The following KDM4C variants were observed in gnomAD, a reference collection of about 807,000 sequenced individuals.
The protein encoded by KDM4C is lysine-specific demethylase 4C.
Under a neutral mutation model 129.3 loss-of-function variants are expected in KDM4C, and 81 were observed. The observed-to-expected ratio is 0.63, with a 90% CI of 0.52 to 0.75. The LOEUF (loss-of-function observed/expected upper bound fraction) is 0.75. KDM4C is among the 30% of genes least tolerant of loss of function. The probability of loss-of-function intolerance (pLI) is 0.00; values close to 1 mark genes in which losing one functional copy is unlikely to be tolerated. For synonymous variants in KDM4C, 573 were observed against 456.1 expected, an observed-to-expected ratio of 1.26 and a Z score of -3.26; for missense variants, 1,457 against 1,304.0, an observed-to-expected ratio of 1.12 and a Z score of -1.81.
chr9:7,146,635 A>T (rs1842238662), intron 19 of KDM4C, among the ~76,000 whole-genome samples: 2 of 152,188 alleles, frequency 1.3e-5, no homozygotes, highest in South Asian at 4.1e-4. Context: ...AAAAAACTAT[A>T]TCTGTTTAAC....
intron 8 of KDM4C, among the ~76,000 whole-genome samples, chr9:6,955,898 A>G (rs991074043): frequency 1.3e-5 from 2 of 152,240 alleles, no homozygotes; most frequent in Non-Finnish European, 2.9e-5. Flanking sequence ...TGCTAGTAAA[A>G]GAGCACAATA....
intron 5 of KDM4C, among the ~76,000 whole-genome samples, chr9:6,862,950 C>A (rs995983182): frequency 1.5e-4 from 23 of 152,092 alleles, no homozygotes; most frequent in African/African-American, 5.1e-4. Flanking sequence ...CCCTTTAAGC[C>A]ACTTTATCTT....
chr9:7,026,895 A>G (rs192856836), intron 15 of KDM4C, among the ~76,000 whole-genome samples: 7 of 152,070 alleles, frequency 4.6e-5, no homozygotes, highest in African/African-American at 1.7e-4. Context: ...GCATTCTTCA[A>G]TGTCAGTAGC....
In KDM4C at chr9:7,174,803, G is replaced by A; in HGVS notation, c.*74G>A. 3 of 1,352,382 alleles carry A rather than the reference G, an allele frequency of 2.2e-6. No individual in the cohort carries two copies. The highest frequency in any genetic ancestry group is 1.4e-5 in the African/African-American group (1 of 69,514). 83.8% of individuals were successfully genotyped at this position (1,352,382 alleles called of 1,614,324 possible). On this transcript the variant is annotated 3_prime_UTR_variant, in exon 22 of 22. Transcript: ENST00000381309. ...AAGATGAAGGGACATCCTTGGGGCT[G>A]TGCCGTGAGTTTTGCTGGCATAGGT...
chr9:6,721,302 G>GTC lies in KDM4C; in HGVS notation c.49+322_49+323dup, dbSNP rs375568931. ...TTTTTTTTTTTTTTTTTGAGACAGA[G>GTC]TCTCTCTCTCTCTCTCTCCCACCCA... On this transcript the variant is annotated intron_variant, in intron 1 of 17. Transcript: ENST00000536108. The GTC allele has an allele frequency of 3.1e-3, 351 of 114,490 alleles. 7 individuals are homozygous for GTC. In the Admixed American group the frequency reaches 0.034, roughly 11 times the overall value. The allele number at this position is 114,490 out of a possible 1,614,324, so 7.1% of individuals were successfully genotyped here.
At chr9:6,834,664 C>T (rs1036349332) in intron 4 of KDM4C, 2 of 804,792 alleles carry the variant, frequency 2.5e-6, no homozygotes, top group Admixed American at 3.4e-5. Flanking sequence ...TGAAGTGCCT[C>T]ATCGAGCATG....
intron 1 of KDM4C, among the ~76,000 whole-genome samples, chr9:6,733,028 G>T (rs1213026211): frequency 6.6e-6 from 1 of 152,136 alleles, no homozygotes; most frequent in African/African-American, 2.4e-5. Flanking sequence ...ATAAAAAAAA[G>T]AAAGTACCAC....
At chr9:7,088,394 A>G (rs1835397575) in intron 17 of KDM4C, among the ~76,000 whole-genome samples, 1 of 152,216 alleles carries the variant, frequency 6.6e-6, no homozygotes, top group Non-Finnish European at 1.5e-5. Flanking sequence ...TTAAGAAATT[A>G]CAGTTCTTTA....
intron 19 of KDM4C, among the ~76,000 whole-genome samples, chr9:7,140,769 G>GA (rs1351680224): frequency 1.3e-5 from 2 of 152,194 alleles, no homozygotes; most frequent in Non-Finnish European, 2.9e-5. Flanking sequence ...TGATCTCATG[G>GA]AGTTTACAAT....
At chr9:6,899,614 G>A (rs1817055245) in intron 8 of KDM4C, among the ~76,000 whole-genome samples, 1 of 151,906 alleles carries the variant, frequency 6.6e-6, no homozygotes, top group East Asian at 1.9e-4. Context: ...TGGAGAGAGT[G>A]TTCACACATC....
Position 6,758,158 on chromosome 9 carries a change from C to T in KDM4C, c.-63C>T, listed in dbSNP as rs1588081029. 5.1e-6 allele frequency: 5 copies of T among 985,918 alleles called. No homozygotes were observed. The highest frequency in any genetic ancestry group is 6.0e-6 in the Non-Finnish European group (5 of 830,336). 61.1% of individuals were successfully genotyped at this position (985,918 alleles called of 1,614,324 possible). A position where few individuals can be genotyped will look rare whatever the true frequency, so the allele number is the denominator to read the frequency against. ...CCTGGGCCGGAGGCCACTGTCTTCT[C>T]TTCCTCCTCCACCGAGTCGTGCTCT... On this transcript the variant is annotated 5_prime_UTR_variant, in exon 1 of 22. Coordinates refer to ENST00000381309, the MANE Select transcript of KDM4C (RefSeq NM_015061.6). This position sits in a 1 kb window ranked among gnomAD's most constrained non-coding sequence, Gnocchi z 4.6.
intron 19 of KDM4C, among the ~76,000 whole-genome samples, chr9:7,152,680 T>A (rs909434089): frequency 7.2e-5 from 11 of 152,212 alleles, no homozygotes; most frequent in African/African-American, 2.4e-4. Flanking sequence ...TGAATGTGGT[T>A]AAAATGGTAA....
At chr9:6,750,845 G>T (rs757307532) in intron 1 of KDM4C, among the ~76,000 whole-genome samples, 1 of 152,214 alleles carries the variant, frequency 6.6e-6, no homozygotes, top group Non-Finnish European at 1.5e-5. Context: ...TTAGCTGACA[G>T]TTAACTGCTG....
intron 1 of KDM4C, among the ~76,000 whole-genome samples, chr9:6,777,342 G>A (rs908299025): frequency 6.6e-6 from 1 of 152,182 alleles, no homozygotes; most frequent in African/African-American, 2.4e-5. Context: ...AGCTGCTTTT[G>A]AGTGAGTTTG....
At chr9:7,103,154 G>A (rs1837294069) in intron 17 of KDM4C, among the ~76,000 whole-genome samples, 1 of 152,168 alleles carries the variant, frequency 6.6e-6, no homozygotes, top group East Asian at 1.9e-4. Context: ...TTAAACGCTA[G>A]TTTCCACATT....
intron 4 of KDM4C, among the ~76,000 whole-genome samples, chr9:6,844,212 C>T (rs944326831): frequency 2.0e-5 from 3 of 152,062 alleles, no homozygotes; most frequent in African/African-American, 7.2e-5. Flanking sequence ...CTTCTCTTTT[C>T]CTAGTTTTAA....
At chr9:7,081,686 G>C (rs1033870395) in intron 17 of KDM4C, among the ~76,000 whole-genome samples, 4 of 152,164 alleles carry the variant, frequency 2.6e-5, no homozygotes, top group Admixed American at 1.3e-4. Context: ...AGGGATAATG[G>C]GGAAATCTGG....
chr9:7,095,332 A>G (rs774012009), intron 17 of KDM4C, among the ~76,000 whole-genome samples: 2 of 152,250 alleles, frequency 1.3e-5, no homozygotes, highest in African/African-American at 2.4e-5. Flanking sequence ...GGATATTTGT[A>G]CTGCCCAAGA....
intron 17 of KDM4C, among the ~76,000 whole-genome samples, chr9:7,059,924 A>G (rs1027816784): frequency 6.6e-6 from 1 of 152,122 alleles, no homozygotes; most frequent in African/African-American, 2.4e-5. Flanking sequence ...ATATTGTTAG[A>G]TAAAACCCAC....
Sources: allele counts gnomAD v4.1 joint callset (sites outside exome capture counted in the v4.1 genomes callset), GRCh38; gene constraint gnomAD v4.1.1; non-coding constraint Gnocchi (gnomAD v3.1); transcripts MANE v1.5; gene names NCBI Gene and HGNC (gene_info 2026-07-23, HGNC 2026-07-21).